The following WDR64 variants were observed in gnomAD, a reference collection of about 807,000 sequenced individuals.
WDR64 encodes WD repeat domain 64.
Under a neutral mutation model 139.3 loss-of-function variants are expected in WDR64, and 112 were observed. That is an observed-to-expected ratio of 0.80 (90% confidence interval 0.69 to 0.94). The LOEUF (loss-of-function observed/expected upper bound fraction) is 0.94, where lower values mean the gene tolerates loss of function less well. WDR64 is among the 40% of genes least tolerant of loss of function. The probability of loss-of-function intolerance (pLI) is 0.00; values close to 1 mark genes in which losing one functional copy is unlikely to be tolerated. For missense variants in WDR64, 1,206 were observed against 1,293.1 expected, an observed-to-expected ratio of 0.93 and a Z score of 1.03; for synonymous variants, 444 against 437.7, an observed-to-expected ratio of 1.01 and a Z score of -0.18.
chr1:241,785,498 C>T (rs2051063), intron 23 of WDR64, among the ~76,000 whole-genome samples: 151,199 of 152,328 alleles, frequency 0.99, 75,051 homozygotes, highest in Middle Eastern at 1. Context: ...ATCACCACTT[C>T]GGGGATTAAG....
intron 2 of WDR64, among the ~76,000 whole-genome samples, chr1:241,668,287 A>T (rs1173434710): frequency 6.6e-6 from 1 of 152,102 alleles, no homozygotes; most frequent in Non-Finnish European, 1.5e-5. Context: ...AGGGGGGCGG[A>T]TCACGAGGTC....
At chr1:241,779,796 C>A (rs1484512500) in intron 21 of WDR64, among the ~76,000 whole-genome samples, 2 of 152,110 alleles carry the variant, frequency 1.3e-5, no homozygotes, top group African/African-American at 2.4e-5. Flanking sequence ...TGCCTTTGCA[C>A]TCCATTCTGG....
chr1:241,654,467 C>T (rs995138789), intron 1 of WDR64, among the ~76,000 whole-genome samples: 1 of 152,198 alleles, frequency 6.6e-6, no homozygotes, highest in African/African-American at 2.4e-5. Flanking sequence ...GCCTACTTGG[C>T]CATTGCACTA....
chr1:241,730,382 C>T (rs1669031027), intron 10 of WDR64, among the ~76,000 whole-genome samples: 1 of 152,150 alleles, frequency 6.6e-6, no homozygotes, highest in Non-Finnish European at 1.5e-5. Context: ...TGCACATTTG[C>T]TTAAGATGAG....
At chr1:241,799,255 C>T (rs1659458295) in intron 27 of WDR64, among the ~76,000 whole-genome samples, 1 of 138,206 alleles carries the variant, frequency 7.2e-6, no homozygotes, top group Admixed American at 7.6e-5. Context: ...GTGGTGCACA[C>T]CTGTAGTCCC....
chr1:241,726,457 C>A (rs1299999177), intron 10 of WDR64, among the ~76,000 whole-genome samples: 1 of 151,956 alleles, frequency 6.6e-6, no homozygotes, highest in East Asian at 1.9e-4. Flanking sequence ...GACTAAAACT[C>A]ACAGAACCTT....
chr1:241,751,705 G>A lies in WDR64; in HGVS notation c.1770+1983G>A, dbSNP rs76673630. ...TCTCAAGTCTCAGAAAAACCCTTGT[G>A]CAACTGCCCGCTCTGGGCACAAATC... is the stretch of plus-strand genomic sequence containing the variant. On this transcript the variant is annotated intron_variant, in intron 14 of 27. Coordinates refer to ENST00000437684, the MANE Select transcript of WDR64 (RefSeq NM_001367482.1). Among the ~76,000 whole-genome samples, 1,125 of 152,234 alleles carry A rather than the reference G, an allele frequency of 7.4e-3. 15 individuals carry two copies. The highest frequency in any genetic ancestry group is 0.026 in the African/African-American group (1,080 of 41,542).
At chr1:241,736,209 G>C (rs1669318350) in intron 10 of WDR64, among the ~76,000 whole-genome samples, 1 of 152,072 alleles carries the variant, frequency 6.6e-6, no homozygotes, top group African/African-American at 2.4e-5. Flanking sequence ...AAGCACCCAG[G>C]TCTCAGGCTT....
intron 4 of WDR64, chr1:241,677,487 C>T: frequency 2.5e-6 from 1 of 398,602 alleles, no homozygotes; most frequent in Admixed American, 4.4e-5. Flanking sequence ...TTCCTAGATA[C>T]TTCTCAAGGC....
chr1:241,673,615 A>G (rs373548201), intron 3 of WDR64, among the ~76,000 whole-genome samples: 11 of 152,230 alleles, frequency 7.2e-5, no homozygotes, highest in African/African-American at 2.7e-4. Context: ...GTTCCCTCCA[A>G]GAACTAATTT....
At chr1:241,711,728 TAATC>T in intron 8 of WDR64, 70 bp from the exon 9 acceptor site, 1 of 1,469,452 alleles carries the variant, frequency 6.8e-7, no homozygotes, top group South Asian at 1.2e-5. Context: ...CTATCAAACA[TAATC>T]TATTTATAAG....
chr1:241,694,780 C>T (rs144591540), intron 8 of WDR64, among the ~76,000 whole-genome samples: 4 of 152,274 alleles, frequency 2.6e-5, no homozygotes, highest in African/African-American at 9.6e-5. Flanking sequence ...AGCACATTTA[C>T]CAGGGTGATT....
chr1:241,766,329 G>C lies in WDR64; in HGVS notation c.2059G>C (p.Val687Leu), dbSNP rs371279923. 5 of 1,613,962 alleles carry C rather than the reference G, an allele frequency of 3.1e-6. No individual in the cohort carries two copies. The highest frequency in any genetic ancestry group is 3.4e-6 in the Non-Finnish European group (4 of 1,179,962). Residue 687 changes from valine (V) to leucine (L), a missense_variant, in exon 16 of 28, where the codon GTG becomes CTG. Val to Leu is a conservative substitution (Grantham distance 32). Transcript: ENST00000437684. ...LNGVIILWNF[V>L]TSTVKKVYRP... ...TGGTGTGATCATCTTATGGAATTTT[G>C]TGACGTCTACTGTCAAAAAAGTGTA...
Position 241,801,174 on chromosome 1 carries a change from A to G in WDR64, c.3235A>G (p.Ile1079Val). Residue 1079 changes from isoleucine to valine, a missense_variant, in exon 28 of 28, where the codon ATA becomes GTA. Ile to Val is a conservative substitution (Grantham distance 29). Transcript: ENST00000437684. ...TTTGAAAAAAAATTTAGTCCCACAA[A>G]TAAATCTGGCTTCTTCCTTCTTCCC... ...RSLKKNLVPQ[I>V]NLASSFFPAI... The G allele has an allele frequency of 6.2e-7, 1 of 1,613,930 alleles. No individual in the cohort carries two copies.
At chr1:241,679,775 C>G (rs955690273) in intron 6 of WDR64, among the ~76,000 whole-genome samples, 180 bp downstream of exon 6, 1 of 152,126 alleles carries the variant, frequency 6.6e-6, no homozygotes, top group African/African-American at 2.4e-5. Flanking sequence ...AGGGACTATT[C>G]TTTTCATTTA....
intron 10 of WDR64, among the ~76,000 whole-genome samples, chr1:241,735,847 CTCTCTCTCTGTGTGTGTGTGTG>C (rs1558498347): frequency 4.9e-5 from 5 of 102,838 alleles, no homozygotes; most frequent in Non-Finnish European, 9.6e-5. Context: ...CTCTCTCTCT[CTCTCTCTCTGTGTGTGTGTGTG>C]TGTGTGTGTG....
chr1:241,683,386 A>G (rs1444537907), intron 6 of WDR64, 101 bp from the exon 7 acceptor site: 3 of 1,151,422 alleles, frequency 2.6e-6, no homozygotes, highest in South Asian at 3.0e-5. Context: ...TGTATCTACA[A>G]TAAGAAACAG....
chr1:241,680,429 A>T (rs1666734732), intron 6 of WDR64, among the ~76,000 whole-genome samples: 1 of 152,176 alleles, frequency 6.6e-6, no homozygotes, highest in South Asian at 2.1e-4. Context: ...TGTGTTATAG[A>T]CCAGGTTTTA....
intron 15 of WDR64, 111 bp downstream of exon 15, chr1:241,757,570 C>A: frequency 9.9e-7 from 1 of 1,005,590 alleles, no homozygotes. Flanking sequence ...TGTTATCACT[C>A]AGCTTCGAGA....
Sources: gnomAD v4.1 joint callset for allele counts (sites outside exome capture counted in the v4.1 genomes callset) on GRCh38, gnomAD v4.1.1 for gene constraint, MANE v1.5 for transcripts, NCBI Gene and HGNC (gene_info 2026-07-23, HGNC 2026-07-21) for gene names.